DPYS: variants seen among roughly 807,000 people sequenced by gnomAD.
DPYS encodes dihydropyrimidine amidohydrolase.
In DPYS, 39 loss-of-function variants were observed where a neutral mutation model predicts 50.3. The ratio of observed to expected loss-of-function variants is 0.78; its 90% confidence interval spans 0.60 to 1.01. DPYS has a LOEUF of 1.01. DPYS is among the 50% of genes least tolerant of loss of function. The pLI is 0.00. For missense variants in DPYS, 659 were observed against 680.9 expected, an observed-to-expected ratio of 0.97 and a Z score of 0.36; for synonymous variants, 245 against 250.7, an observed-to-expected ratio of 0.98 and a Z score of 0.22.
At chr8:104,461,237 G>A (rs1028151657) in intron 1 of DPYS, among the ~76,000 whole-genome samples, 3 of 151,130 alleles carry the variant, frequency 2.0e-5, no homozygotes, top group Non-Finnish European at 2.9e-5. Flanking sequence ...AGGCTGCCGT[G>A]AGCTGGATTG....
At chr8:104,462,758 A>C (rs937200334) in intron 1 of DPYS, among the ~76,000 whole-genome samples, 1 of 152,222 alleles carries the variant, frequency 6.6e-6, no homozygotes, top group Non-Finnish European at 1.5e-5. Context: ...ATTCTTTCAA[A>C]TTTATTGAAT....
chr8:104,450,286 G>A (rs779315726), intron 2 of DPYS, among the ~76,000 whole-genome samples: 18 of 152,126 alleles, frequency 1.2e-4, no homozygotes, highest in Non-Finnish European at 1.5e-4. Flanking sequence ...AAAAACTAAC[G>A]TTAGCTGTGG....
chr8:104,393,188 GA>G (rs1203319839), intron 7 of DPYS, among the ~76,000 whole-genome samples, 197 bp from the exon 8 acceptor site: 4 of 152,192 alleles, frequency 2.6e-5, no homozygotes, highest in Non-Finnish European at 5.9e-5. Context: ...TTTTCTGAGA[GA>G]AAAACCCAAG....
Position 104,444,426 on chromosome 8 carries a change from C to G in DPYS, c.615G>C (p.Lys205Asn). Residue 205 changes from lysine (K) to asparagine (N), a missense_variant, in exon 4 of 10, where the codon AAG becomes AAC. By Grantham distance (94) the Lys-to-Asn change is moderately conservative (BLOSUM62 0). Coordinates refer to ENST00000351513, the MANE Select transcript of DPYS (RefSeq NM_001385.3). ...NGDLIAEGAKKMLALGITGPE... is the reference protein window; with the variant it reads ...NGDLIAEGAKNMLALGITGPE... ...GGCCTGTTATCCCCAGAGCCAACAT[C>G]TTCTTTGCTCCCTAAAAAGACAGCA... The G allele has an allele frequency of 6.2e-7, 1 of 1,614,204 alleles. No individual in the cohort carries two copies. The highest frequency in any genetic ancestry group is 8.5e-7 in the Non-Finnish European group (1 of 1,180,036).
chr8:104,415,889 G>C (rs1812350606), intron 7 of DPYS, among the ~76,000 whole-genome samples: 1 of 152,066 alleles, frequency 6.6e-6, no homozygotes, highest in Non-Finnish European at 1.5e-5. Flanking sequence ...TAGCTAATAA[G>C]AGCTCCCACT....
chr8:104,461,213 A>G (rs569878714), intron 1 of DPYS, among the ~76,000 whole-genome samples: 1 of 151,514 alleles, frequency 6.6e-6, no homozygotes, highest in Non-Finnish European at 1.5e-5. Context: ...GGATTGCTTG[A>G]GCCCAGGAGG....
intron 8 of DPYS, 61 bp downstream of exon 8, chr8:104,392,723 C>G: frequency 6.2e-7 from 1 of 1,600,020 alleles, no homozygotes; most frequent in Non-Finnish European, 8.6e-7. Flanking sequence ...AATAACCAGC[C>G]AGACATCCAG....
chr8:104,459,191 GC>G (rs1186640301), intron 1 of DPYS, among the ~76,000 whole-genome samples: 2 of 152,216 alleles, frequency 1.3e-5, no homozygotes, highest in African/African-American at 4.8e-5. Context: ...TCACTTGTCA[GC>G]CAAGTAAGCA....
At chr8:104,402,891 T>A (rs1811867440) in intron 7 of DPYS, among the ~76,000 whole-genome samples, 1 of 152,084 alleles carries the variant, frequency 6.6e-6, no homozygotes, top group South Asian at 2.1e-4. Flanking sequence ...AATCAGGTAG[T>A]AAAGAGAGCT....
At chr8:104,401,248 T>C (rs1448223034) in intron 7 of DPYS, among the ~76,000 whole-genome samples, 1 of 151,862 alleles carries the variant, frequency 6.6e-6, no homozygotes, top group Non-Finnish European at 1.5e-5. Context: ...ATGTATTCAG[T>C]GTGAAACAAT....
At position 104,466,765 on chromosome 8, in the gene DPYS, G is replaced by C. The variant is rs907506917; in HGVS notation, c.156C>G (p.Leu52=). Residue 52 remains leucine (L), a synonymous_variant, in exon 1 of 10, where the codon CTC becomes CTG. Transcript: ENST00000351513. ...PGGAPAGLRV[L]DAAGKLVLPG... ...GCAGGACGAGCTTGCCGGCGGCGTC[G>C]AGGACCCGCAGCCCCGCAGGAGCGC... 5.9e-6 allele frequency: 9 copies of C among 1,534,456 alleles called. No homozygotes were observed. Among genetic ancestry groups the C allele is most frequent in the Non-Finnish European group, 6.1e-6 (7 of 1,145,782 alleles).
intron 5 of DPYS, 64 bp from the exon 6 acceptor site, chr8:104,428,185 C>G (rs1030017276): frequency 6.2e-7 from 1 of 1,600,808 alleles, no homozygotes; most frequent in African/African-American, 1.3e-5. Context: ...AGGAAACTGC[C>G]ATAACCTTTC....
intron 7 of DPYS, among the ~76,000 whole-genome samples, chr8:104,413,006 GT>G (rs1812240473): frequency 6.6e-6 from 1 of 152,136 alleles, no homozygotes; most frequent in African/African-American, 2.4e-5. Flanking sequence ...AAATTTATAC[GT>G]TTCTATTGAG....
chr8:104,400,191 G>A (rs1432388289), intron 7 of DPYS, among the ~76,000 whole-genome samples: 1 of 152,112 alleles, frequency 6.6e-6, no homozygotes, highest in Non-Finnish European at 1.5e-5. Context: ...TTACTGAAGT[G>A]AGCACAGGTT....
intron 1 of DPYS, among the ~76,000 whole-genome samples, chr8:104,458,707 G>C (rs1453189271): frequency 6.6e-6 from 1 of 152,210 alleles, no homozygotes; most frequent in Non-Finnish European, 1.5e-5. Context: ...TGGGAAAGCT[G>C]TGTAAGTTGC....
At chr8:104,445,972 G>C (rs1454018396) in intron 3 of DPYS, among the ~76,000 whole-genome samples, 1 of 152,200 alleles carries the variant, frequency 6.6e-6, no homozygotes, top group East Asian at 1.9e-4. Flanking sequence ...GTGAACCCGG[G>C]AGGTGGAGCT....
At chr8:104,410,986 T>TCA (rs1267766105) in intron 7 of DPYS, among the ~76,000 whole-genome samples, 1 of 152,178 alleles carries the variant, frequency 6.6e-6, no homozygotes, top group African/African-American at 2.4e-5. Flanking sequence ...TGTGAAGTCT[T>TCA]CACAGACGAC....
At position 104,466,654 on chromosome 8, in the gene DPYS, T is replaced by C. The variant is rs1477897926; in HGVS notation, c.264+3A>G. 2 of 1,500,960 alleles carry C rather than the reference T, an allele frequency of 1.3e-6. No homozygotes were observed. Among genetic ancestry groups the C allele is most frequent in the East Asian group, 2.6e-5 (1 of 37,740 alleles). 93.0% of individuals were successfully genotyped at this position (1,500,960 alleles called of 1,614,324 possible). ...CGGGGCGGGGGCGCGGCGGGGCGGGTACCTTGGTGCCCTGGTGGAAGTCGT... is the reference window on the plus strand; with the variant it reads ...CGGGGCGGGGGCGCGGCGGGGCGGGCACCTTGGTGCCCTGGTGGAAGTCGT... On this transcript the variant is annotated splice_donor_region_variant and intron_variant, in intron 1 of 9. Transcript: ENST00000351513.
At chr8:104,425,583 A>G (rs1384638697) in intron 6 of DPYS, among the ~76,000 whole-genome samples, 1 of 151,998 alleles carries the variant, frequency 6.6e-6, no homozygotes, top group African/African-American at 2.4e-5. Flanking sequence ...TAGCCTCCCC[A>G]AAGTGTTAGG....
Sources: allele counts gnomAD v4.1 joint callset (sites outside exome capture counted in the v4.1 genomes callset), GRCh38; gene constraint gnomAD v4.1.1; transcripts MANE v1.5; gene names NCBI Gene and HGNC (gene_info 2026-07-23, HGNC 2026-07-21).